Variants in SAXO1 observed in about 807,000 individuals in gnomAD.
SAXO1 encodes the protein stabilizer of axonemal microtubules 1.
In SAXO1, 21 loss-of-function variants were observed where a neutral mutation model predicts 17.5. The ratio of observed to expected loss-of-function variants is 1.20; its 90% CI spans 0.85 to 1.72. SAXO1 has a LOEUF of 1.72. Among genes scored for constraint, SAXO1 ranks in the 40% most tolerant of loss-of-function variants. SAXO1 has a pLI of 0.00. For synonymous variants in SAXO1, 274 were observed against 216.5 expected, an observed-to-expected ratio of 1.27 and a Z score of -2.33; for missense variants, 843 against 596.0, an observed-to-expected ratio of 1.41 and a Z score of -4.32.
At chr9:18,947,407 C>G (rs1831844479) in intron 2 of SAXO1, among the ~76,000 whole-genome samples, 1 of 152,206 alleles carries the variant, frequency 6.6e-6, no homozygotes, top group Non-Finnish European at 1.5e-5. Context: ...TCGATGCTAC[C>G]AATTCCCTGC....
intron 2 of SAXO1, among the ~76,000 whole-genome samples, chr9:18,950,036 G>T (rs1183995973): frequency 6.6e-6 from 1 of 151,742 alleles, no homozygotes; most frequent in Admixed American, 6.6e-5. Context: ...CCAGTCACAG[G>T]TCACTAACTG....
At chr9:19,009,469 C>T (rs1007620905) in intron 1 of SAXO1, among the ~76,000 whole-genome samples, 9 of 152,066 alleles carry the variant, frequency 5.9e-5, no homozygotes, top group African/African-American at 2.2e-4. Context: ...AAAAGAAGCC[C>T]CCAAGTTATA....
At chr9:19,025,534 C>A (rs1563989445) in intron 1 of SAXO1, among the ~76,000 whole-genome samples, 2 of 152,200 alleles carry the variant, frequency 1.3e-5, no homozygotes, top group Non-Finnish European at 2.9e-5. Flanking sequence ...CCCCTGAGAT[C>A]ACCTTCCTCC....
At chr9:18,936,753 T>C (rs992077344) in intron 3 of SAXO1, among the ~76,000 whole-genome samples, 4 of 152,174 alleles carry the variant, frequency 2.6e-5, no homozygotes, top group African/African-American at 7.2e-5. Context: ...ATAATGTGCC[T>C]TTAAAAAAAC....
Position 18,971,765 on chromosome 9 carries a change from C to T in SAXO1, c.39-20828G>A, listed in dbSNP as rs576099294. 3.3e-5 allele frequency among the ~76,000 whole-genome samples: 5 copies of T among 152,218 alleles called. No individual in the cohort carries two copies. In the East Asian group the frequency reaches 9.6e-4, roughly 29 times the overall value. On this transcript the variant is annotated intron_variant, in intron 1 of 3. Transcript: ENST00000380534. ...TCTCTATTTTTCCTAGATGTTTAGC[C>T]CAAAGGGAAACTTTTTAAGTCATCC...
chr9:18,992,318 G>A (rs1833845660), intron 1 of SAXO1, among the ~76,000 whole-genome samples: 1 of 152,178 alleles, frequency 6.6e-6, no homozygotes, highest in Admixed American at 6.5e-5. Context: ...GCTTCTGAGA[G>A]GCTCAGGTGT....
At chr9:18,987,354 C>T (rs535060610) in intron 1 of SAXO1, among the ~76,000 whole-genome samples, 2 of 152,268 alleles carry the variant, frequency 1.3e-5, no homozygotes, top group East Asian at 3.9e-4. Flanking sequence ...ATCACTTAGC[C>T]ATGGCACAAA....
At chr9:18,934,603 G>C (rs936079873) in intron 3 of SAXO1, among the ~76,000 whole-genome samples, 1 of 151,976 alleles carries the variant, frequency 6.6e-6, no homozygotes, top group African/African-American at 2.4e-5. Context: ...GTTATTCTTT[G>C]ACCATATTTA....
chr9:18,929,097 C>A (rs1350195255), intron 3 of SAXO1, 42 bp from the exon 4 acceptor site: 2 of 1,595,196 alleles, frequency 1.3e-6, no homozygotes, highest in Non-Finnish European at 1.7e-6. Context: ...TAAATCAAGT[C>A]AACCAACTTG....
chr9:19,006,532 G>T (rs914422151), intron 1 of SAXO1, among the ~76,000 whole-genome samples: 1 of 152,166 alleles, frequency 6.6e-6, no homozygotes, highest in Non-Finnish European at 1.5e-5. Context: ...AACAAATATT[G>T]TATGTCTCCA....
intron 1 of SAXO1, among the ~76,000 whole-genome samples, chr9:18,994,452 C>A (rs1249609389): frequency 6.6e-6 from 1 of 152,172 alleles, no homozygotes; most frequent in Non-Finnish European, 1.5e-5. Flanking sequence ...ATTTATACTA[C>A]GTGCTCACTG....
At chr9:19,004,078 T>A (rs1834394654) in intron 1 of SAXO1, among the ~76,000 whole-genome samples, 1 of 152,160 alleles carries the variant, frequency 6.6e-6, no homozygotes, top group African/African-American at 2.4e-5. Flanking sequence ...GCAAAGGCTA[T>A]GAACAGACAC....
intron 3 of SAXO1, among the ~76,000 whole-genome samples, chr9:18,929,354 G>C (rs1409702163): frequency 6.6e-6 from 1 of 152,204 alleles, no homozygotes; most frequent in East Asian, 1.9e-4. Flanking sequence ...CTGCAGAAAA[G>C]TTCAACCACT....
At chr9:19,045,586 G>A (rs1015815737) in intron 1 of SAXO1, among the ~76,000 whole-genome samples, 3 of 152,136 alleles carry the variant, frequency 2.0e-5, no homozygotes, top group Non-Finnish European at 4.4e-5. Flanking sequence ...TTAGTAACCA[G>A]AATGCTATTA....
chr9:19,048,005 A>C (rs1836262644), intron 1 of SAXO1, among the ~76,000 whole-genome samples: 1 of 152,232 alleles, frequency 6.6e-6, no homozygotes, highest in African/African-American at 2.4e-5. Context: ...GAGATTTTCC[A>C]CATACTATAT....
In SAXO1 at chr9:18,985,716, G is replaced by T. The variant is rs374537681; in HGVS notation, c.39-34779C>A. Among the ~76,000 whole-genome samples the T allele has an allele frequency of 2.0e-4, 30 of 152,258 alleles. No homozygotes were observed. The South Asian group carries it at 6.2e-3, about 32-fold the overall frequency. On this transcript the variant is annotated intron_variant, in intron 1 of 3. Transcript: ENST00000380534. ...CCGACTCCCCTGCCCTTTCTGTTCC[G>T]GCAGCTGCATTCCAAAGGCTAATGA...
At chr9:19,013,360 G>C (rs1251034612) in intron 1 of SAXO1, among the ~76,000 whole-genome samples, 2 of 152,020 alleles carry the variant, frequency 1.3e-5, no homozygotes, top group East Asian at 1.9e-4. Context: ...TTAGAGATTA[G>C]ATTGCCCTCT....
chr9:18,940,068 T>C (rs1831486415), intron 3 of SAXO1, among the ~76,000 whole-genome samples: 1 of 152,126 alleles, frequency 6.6e-6, no homozygotes, highest in African/African-American at 2.4e-5. Flanking sequence ...CAGTAGGAGC[T>C]GGGCTCCAAA....
At chr9:18,989,526 C>T (rs1262651049) in intron 1 of SAXO1, among the ~76,000 whole-genome samples, 1 of 150,474 alleles carries the variant, frequency 6.6e-6, no homozygotes, top group Non-Finnish European at 1.5e-5. Context: ...AGAGCATGAG[C>T]TAAAGGAAAT....
Sources: gnomAD v4.1 joint callset for allele counts (sites outside exome capture counted in the v4.1 genomes callset) on GRCh38, gnomAD v4.1.1 for gene constraint, MANE v1.5 for transcripts, NCBI Gene and HGNC (gene_info 2026-07-23, HGNC 2026-07-21) for gene names.